The following PCDHGA2 variants were observed in gnomAD, a reference collection of about 807,000 sequenced individuals.
The protein encoded by PCDHGA2 is protocadherin gamma-A2.
Under a neutral mutation model 59.2 loss-of-function variants are expected in PCDHGA2, and 40 were observed. The observed-to-expected ratio is 0.68, with a 90% CI of 0.52 to 0.88. PCDHGA2 has a LOEUF of 0.88. PCDHGA2 is among the 40% of genes least tolerant of loss of function. The pLI, the probability that PCDHGA2 is intolerant of heterozygous loss-of-function variation, is 0.00. For synonymous variants in PCDHGA2, 560 were observed against 526.0 expected (o/e 1.06, Z -0.89); for missense variants, 1,226 against 1,204.0 (o/e 1.02, Z -0.27).
At chr5:141,460,453 A>G (rs1487816393) in intron 1 of PCDHGA2, among the ~76,000 whole-genome samples, 1 of 152,152 alleles carries the variant, frequency 6.6e-6, no homozygotes, top group Non-Finnish European at 1.5e-5. Flanking sequence ...ATGAAGATTC[A>G]TATTTTTTTC....
intron 2 of PCDHGA2, among the ~76,000 whole-genome samples, chr5:141,500,815 A>G (rs2099802742): frequency 6.6e-6 from 1 of 152,196 alleles, no homozygotes; most frequent in African/African-American, 2.4e-5. Context: ...ATGAATATAC[A>G]TATTATTTTT....
chr5:141,409,188 C>T lies in PCDHGA2; in HGVS notation c.2424+67793C>T, dbSNP rs1487313582. ...GCGAAGGACGGAGGTGGTCTCTCTA[C>T]CCAGTGTAAAGTAATCATAGAAATC... On this transcript the variant is annotated intron_variant, in intron 1 of 3. Transcript: ENST00000394576. 9 of 1,613,880 alleles carry T rather than the reference C, an allele frequency of 5.6e-6. No homozygotes were observed. In the Admixed American group the frequency reaches 8.3e-5, roughly 15 times the overall value.
At chr5:141,352,469 CCCAACCACAGCGAGGGGACTTTG>C (rs1561503439) in intron 1 of PCDHGA2, 1 of 1,614,014 alleles carries the variant, frequency 6.2e-7, no homozygotes, top group South Asian at 1.1e-5. Context: ...CGGGGTTCCT[CCCAACCACAGCGAGGGGACTTTG>C]CCCTATTCCT....
chr5:141,399,519 G>A (rs1467117930), intron 1 of PCDHGA2: 2 of 1,614,036 alleles, frequency 1.2e-6, no homozygotes, highest in Non-Finnish European at 1.7e-6. Context: ...ACCCTCCTGG[G>A]GCCTCCATCG....
At chr5:141,445,964 T>C (rs1199096510) in intron 1 of PCDHGA2, among the ~76,000 whole-genome samples, 2 of 152,280 alleles carry the variant, frequency 1.3e-5, no homozygotes, top group South Asian at 4.1e-4. Context: ...ATATGGAGAA[T>C]TGATTTATGA....
intron 1 of PCDHGA2, chr5:141,362,674 AT>A: frequency 8.0e-7 from 1 of 1,246,856 alleles, no homozygotes; most frequent in Non-Finnish European, 1.1e-6. Flanking sequence ...TTGTGCCTTA[AT>A]TGTCTTAATC....
In PCDHGA2 at chr5:141,351,987, G is replaced by T. The variant is rs1399569045; in HGVS notation, c.2424+10592G>T. The T allele has an allele frequency of 3.7e-6, 6 of 1,611,016 alleles. No homozygotes were observed. Among genetic ancestry groups the T allele is most frequent in the Non-Finnish European group, 4.2e-6 (5 of 1,179,544 alleles). Reference sequence around the variant, plus strand: ...TCCGCCCTCTTCGATATGGTGCCACGCGCCGCAGAGCCCGGCTACCTGGTG... The same window carrying T: ...TCCGCCCTCTTCGATATGGTGCCACTCGCCGCAGAGCCCGGCTACCTGGTG... On this transcript the variant is annotated intron_variant, in intron 1 of 3. Coordinates refer to ENST00000394576, the MANE Select transcript of PCDHGA2 (RefSeq NM_018915.4).
intron 1 of PCDHGA2, chr5:141,382,738 C>A (rs1464522704): frequency 1.7e-6 from 1 of 572,972 alleles, no homozygotes; most frequent in East Asian, 2.8e-5. Context: ...CACAGAGAAA[C>A]GACAGATTGC....
Position 141,512,089 on chromosome 5 carries a change from T to C in PCDHGA2, c.*916T>C, listed in dbSNP as rs1292597067. 6.6e-6 allele frequency: 1 copy of C among 152,606 alleles called. No individual in the cohort carries two copies. Among genetic ancestry groups the C allele is most frequent in the Non-Finnish European group, 1.5e-5 (1 of 68,068 alleles). 9.5% of individuals were successfully genotyped at this position (152,606 alleles called of 1,614,324 possible). A position where few individuals can be genotyped will look rare whatever the true frequency, so the allele number is the denominator to read the frequency against. ...CCTCCAGATTCCAGCCATAAACCAA[T>C]AACTAGGCTGGACCCTTCCCACTAC... On this transcript the variant is annotated 3_prime_UTR_variant, in exon 4 of 4. Coordinates refer to ENST00000394576, the MANE Select transcript of PCDHGA2 (RefSeq NM_018915.4).
In PCDHGA2 at chr5:141,343,994, CTG is replaced by C. The variant is rs761273948; in HGVS notation, c.2424+2600_2424+2601del. ...TAAGATTGGAGTCCGTCGTAGGAAA[CTG>C]GAACCGAATTCAGAGAAAGCGATTC... On this transcript the variant is annotated intron_variant, in intron 1 of 3. Coordinates refer to ENST00000394576, the MANE Select transcript of PCDHGA2 (RefSeq NM_018915.4). 1.6e-5 allele frequency: 23 copies of C among 1,483,630 alleles called. No homozygotes were observed. In the South Asian group the frequency reaches 3.3e-4, roughly 21 times the overall value. The allele number at this position is 1,483,630 out of a possible 1,614,324, so 91.9% of individuals were successfully genotyped here.
rs373591066 is a variant in PCDHGA2, at chr5:141,404,487, G to T, written c.2424+63092G>T. 8 of 1,613,840 alleles carry T rather than the reference G, an allele frequency of 5.0e-6. No homozygotes were observed. In the East Asian group the frequency reaches 1.8e-4, roughly 36 times the overall value. The stretch of plus-strand genomic sequence containing the variant: ...TATGTCTCTATTAACTCAGACACTG[G>T]TGTGCTGTATGCTCTGTGCTCCTTT... On this transcript the variant is annotated intron_variant, in intron 1 of 3. Transcript: ENST00000394576.
At position 141,430,761 on chromosome 5, in the gene PCDHGA2, T is replaced by C. The variant is rs769012885; in HGVS notation, c.2425-64046T>C. The C allele has an allele frequency of 2.0e-6, 3 of 1,506,132 alleles. No individual in the cohort carries two copies. The African/African-American group carries it at 4.2e-5, about 21-fold the overall frequency. The allele number at this position is 1,506,132 out of a possible 1,614,324, so 93.3% of individuals were successfully genotyped here. ...AAATAATTCTGGAGGAAGATAAGAATGATTCCTGCGCGACTGCACCGGGAC... is the reference window on the plus strand; with the variant it reads ...AAATAATTCTGGAGGAAGATAAGAACGATTCCTGCGCGACTGCACCGGGAC... On this transcript the variant is annotated intron_variant, in intron 1 of 3. Coordinates refer to ENST00000394576, the MANE Select transcript of PCDHGA2 (RefSeq NM_018915.4).
intron 1 of PCDHGA2, among the ~76,000 whole-genome samples, chr5:141,401,328 G>A (rs919361243): frequency 3.3e-5 from 5 of 151,962 alleles, no homozygotes; most frequent in Non-Finnish European, 7.4e-5. Context: ...GGCAACAAGA[G>A]CAAAACTCCA....
chr5:141,511,419 G>A lies in PCDHGA2; in HGVS notation c.*246G>A, dbSNP rs1437533706. On this transcript the variant is annotated 3_prime_UTR_variant, in exon 4 of 4. Coordinates refer to ENST00000394576, the MANE Select transcript of PCDHGA2 (RefSeq NM_018915.4). Reference sequence around the variant, plus strand: ...ATCCAATCAACTGCTGTACCCATGGGGGTAGTGGGGTTACTGTAGACACCA... The same window carrying A: ...ATCCAATCAACTGCTGTACCCATGGAGGTAGTGGGGTTACTGTAGACACCA... 1.2e-6 allele frequency: 1 copy of A among 830,454 alleles called. No individual in the cohort carries two copies. The highest frequency in any genetic ancestry group is 1.7e-5 in the African/African-American group (1 of 58,076). 51.4% of individuals were successfully genotyped at this position (830,454 alleles called of 1,614,324 possible).
intron 1 of PCDHGA2, among the ~76,000 whole-genome samples, chr5:141,470,714 T>C (rs1416956410): frequency 1.3e-5 from 2 of 152,152 alleles, no homozygotes; most frequent in Non-Finnish European, 2.9e-5. Context: ...TTTTATTTTT[T>C]TGAGTCAGGG....
In PCDHGA2 at chr5:141,375,076, G is replaced by A. The variant is rs1338311528; in HGVS notation, c.2424+33681G>A. 6 of 1,613,892 alleles carry A rather than the reference G, an allele frequency of 3.7e-6. No homozygotes were observed. In the African/African-American group the frequency reaches 5.3e-5, roughly 14 times the overall value. On this transcript the variant is annotated intron_variant, in intron 1 of 3. Coordinates refer to ENST00000394576, the MANE Select transcript of PCDHGA2 (RefSeq NM_018915.4). Reference sequence around the variant, plus strand: ...ATGGGCCAGGTCTTCGAGACAGAGCGAAAGTCTTAATAACTATCTTGGATG... The same window carrying A: ...ATGGGCCAGGTCTTCGAGACAGAGCAAAAGTCTTAATAACTATCTTGGATG...
At chr5:141,390,827 A>C (rs1026985432) in intron 1 of PCDHGA2, 1 of 164,666 alleles carries the variant, frequency 6.1e-6, no homozygotes, top group African/African-American at 2.4e-5. Flanking sequence ...TTTTATGTCC[A>C]TGGACCCCTT....
intron 1 of PCDHGA2, chr5:141,400,006 G>T (rs758879836): frequency 1.9e-5 from 30 of 1,612,536 alleles, no homozygotes; most frequent in Non-Finnish European, 2.5e-5. Flanking sequence ...CACAGCGCGT[G>T]CCTTGGGCGA....
At chr5:141,403,748 G>A in intron 1 of PCDHGA2, 1 of 1,613,956 alleles carries the variant, frequency 6.2e-7, no homozygotes, top group East Asian at 2.2e-5. Context: ...TACTGCAACA[G>A]CCAGCGACCT....
Sources: allele counts gnomAD v4.1 joint callset (sites outside exome capture counted in the v4.1 genomes callset), GRCh38; gene constraint gnomAD v4.1.1; transcripts MANE v1.5; gene names NCBI Gene and HGNC (gene_info 2026-07-23, HGNC 2026-07-21).